The following NFAT5 variants were observed in gnomAD, a reference collection of about 807,000 sequenced individuals.
NFAT5 encodes the protein nuclear factor of activated T cells 5.
In NFAT5, 31 loss-of-function variants were observed where a neutral mutation model predicts 166.5. The observed-to-expected ratio is 0.19, with a 90% CI of 0.14 to 0.25. The LOEUF (loss-of-function observed/expected upper bound fraction) is 0.25. Ranked by LOEUF, NFAT5 falls within the 10% of genes least tolerant of loss-of-function variation. NFAT5 has a pLI of 1.00. For missense variants in NFAT5, 1,449 were observed against 1,821.8 expected (o/e 0.80, Z 3.72); for synonymous variants, 612 against 639.7 (o/e 0.96, Z 0.65).
intron 2 of NFAT5, among the ~76,000 whole-genome samples, chr16:69,576,755 G>C (rs1346842853): frequency 2.0e-5 from 3 of 152,144 alleles, no homozygotes; most frequent in African/African-American, 4.8e-5. Flanking sequence ...CAGCTACTTG[G>C]GAGGCAGGCT....
chr16:69,671,545 A>G (rs1384882314), intron 9 of NFAT5, among the ~76,000 whole-genome samples: 1 of 152,086 alleles, frequency 6.6e-6, no homozygotes, highest in Non-Finnish European at 1.5e-5. Flanking sequence ...TAATTTTTGT[A>G]TTTTTAGAAG....
At chr16:69,584,043 G>C (rs1199983750) in intron 2 of NFAT5, among the ~76,000 whole-genome samples, 2 of 152,046 alleles carry the variant, frequency 1.3e-5, no homozygotes, top group African/African-American at 4.8e-5. Context: ...TGGCCAACAT[G>C]ATGAAACCTC....
At chr16:69,575,478 A>G (rs2016694519) in intron 2 of NFAT5, among the ~76,000 whole-genome samples, 1 of 152,090 alleles carries the variant, frequency 6.6e-6, no homozygotes, top group South Asian at 2.1e-4. Flanking sequence ...GATTATGCTT[A>G]TCTTTATAAA....
At chr16:69,586,651 C>T (rs991574554) in intron 2 of NFAT5, among the ~76,000 whole-genome samples, 1 of 152,112 alleles carries the variant, frequency 6.6e-6, no homozygotes. Context: ...GATCTGCCCA[C>T]CTCAGCCTCC....
chr16:69,624,067 TAAC>T (rs1417220357), intron 2 of NFAT5, among the ~76,000 whole-genome samples: 2 of 152,016 alleles, frequency 1.3e-5, no homozygotes, highest in Non-Finnish European at 1.5e-5. Context: ...TTAAGGCTTT[TAAC>T]AACATTTTAA....
intron 9 of NFAT5, among the ~76,000 whole-genome samples, chr16:69,673,944 C>G (rs2036727396): frequency 6.6e-6 from 1 of 151,954 alleles, no homozygotes; most frequent in Non-Finnish European, 1.5e-5. Context: ...TACACTTTTT[C>G]TATCATATTA....
chr16:69,566,188 C>A lies in NFAT5; in HGVS notation c.-114C>A. The A allele has an allele frequency of 1.2e-6, 1 of 849,574 alleles. No individual in the cohort carries two copies. Among genetic ancestry groups the A allele is most frequent in the Non-Finnish European group, 1.8e-6 (1 of 552,536 alleles). 52.6% of individuals were successfully genotyped at this position (849,574 alleles called of 1,614,324 possible). On this transcript the variant is annotated 5_prime_UTR_variant, in exon 1 of 15. Coordinates refer to ENST00000349945, the MANE Select transcript of NFAT5 (RefSeq NM_138713.4). The surrounding 1 kb of genome is among the most constrained non-coding windows in gnomAD (Gnocchi z 5.7). ...ACCCTCGAGGAGGAGGCAGCGGCAG[C>A]CGCCCTCGCGTCGCCGCCCCCGGTT...
At chr16:69,577,861 A>G (rs917089890) in intron 2 of NFAT5, among the ~76,000 whole-genome samples, 3 of 152,020 alleles carry the variant, frequency 2.0e-5, no homozygotes, top group African/African-American at 4.8e-5. Context: ...TGTAAGCTAT[A>G]TGAATAGTGA....
intron 2 of NFAT5, among the ~76,000 whole-genome samples, chr16:69,612,318 T>G (rs1223386369): frequency 6.6e-6 from 1 of 152,180 alleles, no homozygotes; most frequent in Non-Finnish European, 1.5e-5. Flanking sequence ...CAAAGATGAT[T>G]TGTAACAACC....
intron 2 of NFAT5, among the ~76,000 whole-genome samples, chr16:69,593,413 C>A (rs1249475050): frequency 6.6e-6 from 1 of 152,092 alleles, no homozygotes; most frequent in Non-Finnish European, 1.5e-5. Context: ...TGGGCTCAAG[C>A]AGTGCTCCCA....
In NFAT5 at chr16:69,693,829, C is replaced by T; in HGVS notation, c.4004C>T (p.Pro1335Leu). Residue 1335 changes from proline (P) to leucine (L), a missense_variant, in exon 13 of 15, where the codon CCA (proline) becomes CTA (leucine). By Grantham distance (98) the Pro-to-Leu change is moderately conservative. This residue lies in a region of NFAT5 where 891 missense variants were observed against 993.0 expected (regional missense o/e 0.90). Coordinates refer to ENST00000349945, the MANE Select transcript of NFAT5 (RefSeq NM_138713.4). ...TTTCACCAACAAAGTAACATGGCCCCAATGAATCAAGAGCAACAGCCCATG... is the reference window on the plus strand; with the variant it reads ...TTTCACCAACAAAGTAACATGGCCCTAATGAATCAAGAGCAACAGCCCATG... ...SIFHQQSNMA[P>L]MNQEQQPMQF... The T allele has an allele frequency of 6.2e-7, 1 of 1,614,190 alleles. No homozygotes were observed. Among genetic ancestry groups the T allele is most frequent in the South Asian group, 1.1e-5 (1 of 91,082 alleles).
Position 69,694,080 on chromosome 16 carries a change from C to T in NFAT5, c.4255C>T (p.Pro1419Ser), listed in dbSNP as rs1453294981. 1.9e-6 allele frequency: 3 copies of T among 1,614,152 alleles called. No homozygotes were observed. The highest frequency in any genetic ancestry group is 4.5e-5 in the East Asian group (2 of 44,884). ...QDMQQSPLYS[P>S]QNNMPGIQGA... Reference sequence around the variant, plus strand: ...TATGCAACAGTCTCCTCTTTATTCCCCTCAGAACAACATGCCTGGAATTCA... The same window carrying T: ...TATGCAACAGTCTCCTCTTTATTCCTCTCAGAACAACATGCCTGGAATTCA... The change falls in exon 13 of 15, where the codon CCT becomes TCT. Residue 1419 changes from proline to serine, a missense_variant. This residue lies in a region of NFAT5 where 891 missense variants were observed against 993.0 expected (regional missense o/e 0.90). Coordinates refer to ENST00000349945, the MANE Select transcript of NFAT5 (RefSeq NM_138713.4).
At chr16:69,618,839 T>C (rs897776277) in intron 2 of NFAT5, among the ~76,000 whole-genome samples, 3 of 152,196 alleles carry the variant, frequency 2.0e-5, no homozygotes, top group African/African-American at 7.2e-5. Flanking sequence ...TCAGAGAGCA[T>C]TCATTGTTTG....
chr16:69,599,446 G>A (rs548187023), intron 2 of NFAT5, among the ~76,000 whole-genome samples: 11 of 152,220 alleles, frequency 7.2e-5, no homozygotes, highest in South Asian at 2.1e-4. Context: ...GCATGGTGGC[G>A]CGTGCCTGTA....
intron 9 of NFAT5, 136 bp downstream of exon 9, chr16:69,670,424 T>C: frequency 1.7e-6 from 1 of 573,620 alleles, no homozygotes; most frequent in African/African-American, 2.0e-5. Flanking sequence ...AGTTTCTTTC[T>C]TGAGTTTCTT....
In NFAT5 at chr16:69,647,058, T is replaced by C. The variant is rs1244127993; in HGVS notation, c.284T>C (p.Met95Thr). ...DASSAPSSSS[M>T]GGACSSFTTS... Reference sequence around the variant, plus strand: ...TCTTCAGCTCCCTCCTCTTCCTCCATGGGCGGTGCTTGCAGCTCCTTTACC... The same window carrying C: ...TCTTCAGCTCCCTCCTCTTCCTCCACGGGCGGTGCTTGCAGCTCCTTTACC... Residue 95 changes from methionine to threonine, a missense_variant, in exon 4 of 15, where the codon ATG becomes ACG. This residue lies in a region of NFAT5 where 172 missense variants were observed against 194.5 expected (regional missense o/e 0.88). Coordinates refer to ENST00000349945, the MANE Select transcript of NFAT5 (RefSeq NM_138713.4). The surrounding 1 kb of genome is among the most constrained non-coding windows in gnomAD (Gnocchi z 4.8). 1.3e-6 allele frequency: 2 copies of C among 1,597,350 alleles called. No individual in the cohort carries two copies. Among genetic ancestry groups the C allele is most frequent in the Non-Finnish European group, 1.7e-6 (2 of 1,169,270 alleles).
intron 6 of NFAT5, among the ~76,000 whole-genome samples, chr16:69,658,218 C>T (rs1048040532): frequency 6.6e-6 from 1 of 152,108 alleles, no homozygotes; most frequent in Non-Finnish European, 1.5e-5. Flanking sequence ...CGTGCTGGCT[C>T]ATGCCTGTAA....
At chr16:69,687,923 G>A (rs1454143676) in intron 11 of NFAT5, among the ~76,000 whole-genome samples, 5 of 152,050 alleles carry the variant, frequency 3.3e-5, no homozygotes, top group Non-Finnish European at 7.4e-5. Context: ...GGCCGGGCGC[G>A]GTGGCTCACG....
chr16:69,663,472 C>T (rs1393953282), intron 7 of NFAT5, among the ~76,000 whole-genome samples: 2 of 150,630 alleles, frequency 1.3e-5, no homozygotes, highest in African/African-American at 4.9e-5. Flanking sequence ...CAGTGGCACG[C>T]ACCTGTAGTC....
Sources: allele counts gnomAD v4.1 joint callset (sites outside exome capture counted in the v4.1 genomes callset), GRCh38; gene constraint gnomAD v4.1.1; regional missense constraint gnomAD v4.1.1; non-coding constraint Gnocchi (gnomAD v3.1); transcripts MANE v1.5; gene names NCBI Gene and HGNC (gene_info 2026-07-23, HGNC 2026-07-21).